Variants in SPTBN5 observed in about 807,000 individuals in gnomAD.
SPTBN5 encodes spectrin beta chain, non-erythrocytic 5.
In SPTBN5, 513 loss-of-function variants were observed where a neutral mutation model predicts 477.6. The observed-to-expected ratio is 1.07, with a 90% CI of 1.00 to 1.16. The LOEUF (loss-of-function observed/expected upper bound fraction) is 1.16, where lower values mean the gene tolerates loss of function less well. Among genes scored for constraint, SPTBN5 ranks in the 50% most tolerant of loss-of-function variants. The pLI is 0.00. For synonymous variants in SPTBN5, 2,169 were observed against 2,011.7 expected (o/e 1.08, Z -2.09); for missense variants, 5,062 against 4,731.8 (o/e 1.07, Z -2.05).
At chr15:41,893,167 C>T in intron 2 of SPTBN5, 106 bp from the exon 3 acceptor site, 1 of 1,571,738 alleles carries the variant, frequency 6.4e-7, no homozygotes. Context: ...GAAGAAGGAG[C>T]TCTGGCCTCA....
chr15:41,862,842 C>A lies in SPTBN5; in HGVS notation c.7211G>T (p.Arg2404Leu). 6.3e-7 allele frequency: 1 copy of A among 1,590,508 alleles called. No individual in the cohort carries two copies. Among genetic ancestry groups the A allele is most frequent in the East Asian group, 2.3e-5 (1 of 43,600 alleles). The change falls in exon 42 of 68, where the codon CGG (arginine) becomes CTG (leucine). Residue 2404 changes from arginine (R) to leucine (L), a missense_variant. By Grantham distance (102) the Arg-to-Leu change is moderately radical (BLOSUM62 -2). Coordinates refer to ENST00000320955, the MANE Select transcript of SPTBN5 (RefSeq NM_016642.4). The part of the protein sequence containing the change: ...KDLESVQRLL[R>L]KHEELEREVH... ...TTCCCGCTCCAGCTCCTCGTGTTTC[C>A]GCAGCAGCCTCTGCACGCTCTCCAG...
At chr15:41,880,383 G>C in intron 13 of SPTBN5, 71 bp from the exon 14 acceptor site, 6 of 1,466,358 alleles carry the variant, frequency 4.1e-6, no homozygotes, top group South Asian at 1.4e-5. Context: ...CGGGTCAAAG[G>C]GGTGCTCCTC....
chr15:41,860,899 C>T (rs777765796), intron 46 of SPTBN5, 141 bp from the exon 47 acceptor site: 111 of 852,928 alleles, frequency 1.3e-4, no homozygotes, highest in Non-Finnish European at 1.8e-4. Context: ...TCACATCCCT[C>T]AAGGCTGTTT....
intron 4 of SPTBN5, 126 bp downstream of exon 4, chr15:41,889,960 TTTG>T: frequency 1.6e-6 from 1 of 636,370 alleles, no homozygotes; most frequent in Non-Finnish European, 2.8e-6. Flanking sequence ...GAATATGGAC[TTTG>T]CAGTTTCCAG....
chr15:41,848,151 C>A lies in SPTBN5; in HGVS notation c.*465G>T. The A allele has an allele frequency of 1.8e-6, 1 of 550,800 alleles. No individual in the cohort carries two copies. Among genetic ancestry groups the A allele is most frequent in the East Asian group, 3.1e-5 (1 of 31,940 alleles). 34.1% of individuals were successfully genotyped at this position (550,800 alleles called of 1,614,324 possible). A position where few individuals can be genotyped will look rare whatever the true frequency, so the allele number is the denominator to read the frequency against. On this transcript the variant is annotated 3_prime_UTR_variant, in exon 68 of 68. Coordinates refer to ENST00000320955, the MANE Select transcript of SPTBN5 (RefSeq NM_016642.4). The stretch of plus-strand genomic sequence containing the variant: ...ATCACAGACTCATACAAATGTGAGG[C>A]GCTGAGACCATCTGTTATTACTGCT...
chr15:41,875,509 C>T lies in SPTBN5; in HGVS notation c.4236G>A (p.Gly1412=). Residue 1412 remains glycine, a synonymous_variant, in exon 22 of 68, where the codon GGG becomes GGA. Coordinates refer to ENST00000320955, the MANE Select transcript of SPTBN5 (RefSeq NM_016642.4). ...EALNRKMTER[G]DELQQAGQQE... is the part of the protein sequence containing the mutation. ...GCTGTCCAGCCTGCTGGAGCTCGTCCCCACGCTCAGTCATCTTGCGGTTCA... is the reference window on the plus strand; with the variant it reads ...GCTGTCCAGCCTGCTGGAGCTCGTCTCCACGCTCAGTCATCTTGCGGTTCA... 2 of 1,612,596 alleles carry T rather than the reference C, an allele frequency of 1.2e-6. No individual in the cohort carries two copies. Among genetic ancestry groups the T allele is most frequent in the Non-Finnish European group, 1.7e-6 (2 of 1,179,496 alleles).
At chr15:41,853,490 A>C in intron 58 of SPTBN5, 43 bp from the exon 59 acceptor site, 1 of 1,542,590 alleles carries the variant, frequency 6.5e-7, no homozygotes, top group Non-Finnish European at 8.8e-7. Flanking sequence ...CTGGCTGGGG[A>C]GCAGGGGAGG....
chr15:41,878,059 G>A (rs993566504), intron 17 of SPTBN5, among the ~76,000 whole-genome samples: 5 of 152,140 alleles, frequency 3.3e-5, no homozygotes, highest in Non-Finnish European at 7.4e-5. Flanking sequence ...GCAATGCATC[G>A]GGCCCACCTG....
chr15:41,869,433 A>C (rs2066455117), intron 32 of SPTBN5, among the ~76,000 whole-genome samples: 1 of 152,162 alleles, frequency 6.6e-6, no homozygotes, highest in African/African-American at 2.4e-5. Flanking sequence ...CAGCAGTTCC[A>C]CTTTCCATAG....
At position 41,852,094 on chromosome 15, in the gene SPTBN5, G is replaced by C. The variant is rs1390959360; in HGVS notation, c.10584+88C>G. The C allele has an allele frequency of 5.4e-6, 8 of 1,476,922 alleles. No individual in the cohort carries two copies. In the African/African-American group the frequency reaches 5.6e-5, roughly 10 times the overall value. 91.5% of individuals were successfully genotyped at this position (1,476,922 alleles called of 1,614,324 possible). The stretch of plus-strand genomic sequence containing the variant: ...GGGCTCCCAGCACTGGCTCCAGGGT[G>C]TGGGCCCTCACCCCCACAGCCCCAG... On this transcript the variant is annotated intron_variant, in intron 62 of 67. Transcript: ENST00000320955.
At chr15:41,877,614 C>T (rs1028105774) in intron 17 of SPTBN5, among the ~76,000 whole-genome samples, 2 of 152,352 alleles carry the variant, frequency 1.3e-5, no homozygotes, top group Non-Finnish European at 2.9e-5. Flanking sequence ...AGAAAAATCA[C>T]GCAAGCCACA....
At position 41,870,291 on chromosome 15, in the gene SPTBN5, C is replaced by A; in HGVS notation, c.5625G>T (p.Leu1875=). Residue 1875 remains leucine (L), a synonymous_variant, in exon 31 of 68, where the codon CTG becomes CTT. Coordinates refer to ENST00000320955, the MANE Select transcript of SPTBN5 (RefSeq NM_016642.4). The part of the protein sequence containing the change: ...ARDLCGLEAQ[L]RSHQGLEREL... ...CTCGCTCCAGCCCCTGGTGGCTTCTCAGCTGCGCCTCCAGCCCACACAGGT... is the reference window on the plus strand; with the variant it reads ...CTCGCTCCAGCCCCTGGTGGCTTCTAAGCTGCGCCTCCAGCCCACACAGGT... 1 of 1,556,110 alleles carries A rather than the reference C, an allele frequency of 6.4e-7. No homozygotes were observed. Among genetic ancestry groups the A allele is most frequent in the Non-Finnish European group, 8.7e-7 (1 of 1,150,108 alleles).
At chr15:41,872,563 C>T in intron 26 of SPTBN5, 104 bp from the exon 27 acceptor site, 1 of 1,232,272 alleles carries the variant, frequency 8.1e-7, no homozygotes, top group Non-Finnish European at 1.1e-6. Flanking sequence ...ATTCACCCAC[C>T]ACTCACACGC....
rs2140966311 is a variant in SPTBN5 at position 41,886,182 on chromosome 15, G to A, written c.1073C>T (p.Pro358Leu). Residue 358 changes from proline to leucine, a missense_variant, in exon 7 of 68, where the codon CCC becomes CTC. Physicochemically the swap from Pro to Leu is moderately conservative, Grantham distance 98. Coordinates refer to ENST00000320955, the MANE Select transcript of SPTBN5 (RefSeq NM_016642.4). ...TGCGGCCCCTCGCTGCTGTAGCCGGGGTGGCTTCTCCTGGGTGCGGAAGAT... is the reference window on the plus strand; with the variant it reads ...TGCGGCCCCTCGCTGCTGTAGCCGGAGTGGCTTCTCCTGGGTGCGGAAGAT... ...FTIFRTQEKP[P>L]RLQQRGAAEA... is the part of the protein sequence containing the mutation. 1.2e-6 allele frequency: 2 copies of A among 1,612,876 alleles called. No homozygotes were observed. Among genetic ancestry groups the A allele is most frequent in the African/African-American group, 1.3e-5 (1 of 75,078 alleles).
At chr15:41,853,203 G>A (rs1234922360) in intron 59 of SPTBN5, 55 bp downstream of exon 59, 1 of 1,540,000 alleles carries the variant, frequency 6.5e-7, no homozygotes, top group Non-Finnish European at 8.8e-7. Flanking sequence ...CTGAGGCCCT[G>A]GGCAATCAGG....
Position 41,879,800 on chromosome 15 carries a change from T to G in SPTBN5, c.2876A>C (p.Gln959Pro). 6.2e-7 allele frequency: 1 copy of G among 1,613,976 alleles called. No homozygotes were observed. Among genetic ancestry groups the G allele is most frequent in the Non-Finnish European group, 8.5e-7 (1 of 1,179,842 alleles). The change falls in exon 15 of 68, where the codon CAA (glutamine) becomes CCA (proline). Residue 959 changes from glutamine to proline, a missense_variant. Gln to Pro is a moderately conservative substitution (Grantham distance 76). Coordinates refer to ENST00000320955, the MANE Select transcript of SPTBN5 (RefSeq NM_016642.4). Reference protein sequence around the residue: ...LWAEVSSSAEQLRQRYPGNST... With the variant: ...LWAEVSSSAEPLRQRYPGNST... ...GTTCCCAGGATATCTCTGCCTCAGT[T>G]GCTCAGCAGAGCTGCTGACCTCAGC... is the stretch of plus-strand genomic sequence containing the variant.
chr15:41,878,260 C>A, intron 17 of SPTBN5, 82 bp downstream of exon 17: 3 of 1,502,654 alleles, frequency 2.0e-6, no homozygotes, highest in South Asian at 2.6e-5. Context: ...CTACTTCCCG[C>A]ATGCTCTTTC....
At position 41,855,367 on chromosome 15, in the gene SPTBN5, C is replaced by T. The variant is rs1398716081; in HGVS notation, c.9280G>A (p.Ala3094Thr). 2.5e-5 allele frequency: 40 copies of T among 1,605,090 alleles called. No homozygotes were observed. Among genetic ancestry groups the T allele is most frequent in the South Asian group, 7.7e-5 (7 of 91,044 alleles). ...TGCAGGCCGTGCCCCCTGGCCTCCG[C>T]CCTCCGCAGCAGCTCTGCGTGGGCC... ...REAHAELLRR[A>T]EARGHGLQEQ... Residue 3094 changes from alanine to threonine, a missense_variant, in exon 55 of 68, where the codon GCG (alanine) becomes ACG (threonine). Transcript: ENST00000320955.
At chr15:41,879,130 C>A (rs551430061) in intron 16 of SPTBN5, 130 bp downstream of exon 16, 13 of 1,086,644 alleles carry the variant, frequency 1.2e-5, no homozygotes, top group East Asian at 1.0e-4. Context: ...ATCATCCCCC[C>A]ATCTTTGCCA....
Sources: allele counts gnomAD v4.1 joint callset (sites outside exome capture counted in the v4.1 genomes callset), GRCh38; gene constraint gnomAD v4.1.1; transcripts MANE v1.5; gene names NCBI Gene and HGNC (gene_info 2026-07-23, HGNC 2026-07-21).